Variants in IQSEC1 observed in about 807,000 individuals in gnomAD.
The protein encoded by IQSEC1 is IQ motif and SEC7 domain-containing protein 1.
In IQSEC1, 31 loss-of-function variants were observed where a neutral mutation model predicts 91.0. The ratio of observed to expected loss-of-function variants is 0.34; its 90% CI spans 0.26 to 0.46. IQSEC1 has a LOEUF of 0.46. IQSEC1 is among the 20% of genes least tolerant of loss of function. IQSEC1 has a pLI of 1.00. For synonymous variants in IQSEC1, 699 were observed against 662.6 expected (o/e 1.05, Z -0.84); for missense variants, 1,388 against 1,575.6 (o/e 0.88, Z 2.02).
At chr3:13,149,359 C>A (rs1243331001) in intron 2 of IQSEC1, among the ~76,000 whole-genome samples, 1 of 148,244 alleles carries the variant, frequency 6.7e-6, no homozygotes, top group Admixed American at 6.7e-5. Flanking sequence ...CACAGACAGG[C>A]TGCTCCCCAG....
In IQSEC1 at chr3:13,259,152, C is replaced by A. The variant is rs1291776845; in HGVS notation, c.272+23559G>T. On this transcript the variant is annotated intron_variant, in intron 1 of 15. Transcript: ENST00000648114. The surrounding 1 kb of genome is among the most constrained non-coding windows in gnomAD (Gnocchi z 4.6). ...AGCCAGAAAAAAATCCCAACTGCCC[C>A]CACTGGGCCACACCGCTCCACCTCC... is the stretch of plus-strand genomic sequence containing the variant. Among the ~76,000 whole-genome samples the A allele has an allele frequency of 3.3e-5, 5 of 152,236 alleles. No individual in the cohort carries two copies. The highest frequency in any genetic ancestry group is 1.5e-5 in the Non-Finnish European group (1 of 68,046).
intron 1 of IQSEC1, among the ~76,000 whole-genome samples, chr3:13,222,519 G>T (rs1416992117): frequency 1.3e-5 from 2 of 152,180 alleles, no homozygotes; most frequent in Non-Finnish European, 1.5e-5. Flanking sequence ...GAATTGTATT[G>T]TATGTTTAAC....
At position 12,901,259 on chromosome 3, in the gene IQSEC1, G is replaced by A. The variant is rs534679416; in HGVS notation, c.3069C>T (p.Ala1023=). The change falls in exon 14 of 14, where the codon GCC becomes GCT. Residue 1023 remains alanine, a synonymous_variant. Coordinates refer to ENST00000613206, the MANE Select transcript of IQSEC1 (RefSeq NM_001134382.3). ...AGTACTGGGTGTGATGCCCGTGCAT[G>A]GCGGCCTGCGGCAGCCCCTCTGGGG... ...LGPPEGLPQA[A]MHGHHTQYCH... 725 of 1,533,152 alleles carry A rather than the reference G, an allele frequency of 4.7e-4. 7 individuals carry two copies. The South Asian group carries it at 6.1e-3, about 13-fold the overall frequency. The allele number at this position is 1,533,152 out of a possible 1,614,324, so 95.0% of individuals were successfully genotyped here.
intron 1 of IQSEC1, among the ~76,000 whole-genome samples, chr3:13,052,428 T>A (rs1301642561): frequency 6.6e-6 from 1 of 152,180 alleles, no homozygotes; most frequent in Non-Finnish European, 1.5e-5. Context: ...TGGGACAGTG[T>A]ATTTAACCAT....
At chr3:13,026,751 G>C (rs1016875073) in intron 1 of IQSEC1, among the ~76,000 whole-genome samples, 5 of 152,154 alleles carry the variant, frequency 3.3e-5, no homozygotes, top group Admixed American at 3.3e-4. Flanking sequence ...TGGATGACCT[G>C]TCTCTGCATC....
chr3:12,926,771 G>A (rs928998867), intron 3 of IQSEC1, among the ~76,000 whole-genome samples: 1 of 152,230 alleles, frequency 6.6e-6, no homozygotes, highest in African/African-American at 2.4e-5. Flanking sequence ...GCAGTGCCCT[G>A]CAGACACCGC....
At chr3:12,910,089 C>T (rs942427184) in intron 10 of IQSEC1, among the ~76,000 whole-genome samples, 1 of 152,238 alleles carries the variant, frequency 6.6e-6, no homozygotes, top group African/African-American at 2.4e-5. Flanking sequence ...ATTACTGCCA[C>T]GTGGGAACAT....
At chr3:13,090,579 T>C (rs1413882002) in intron 2 of IQSEC1, among the ~76,000 whole-genome samples, 1 of 152,108 alleles carries the variant, frequency 6.6e-6, no homozygotes, top group African/African-American at 2.4e-5. Context: ...TGTGGGGTGA[T>C]TGGTGACAGG....
chr3:13,178,124 T>C (rs2125012860), intron 1 of IQSEC1, among the ~76,000 whole-genome samples: 1 of 152,340 alleles, frequency 6.6e-6, no homozygotes, highest in South Asian at 2.1e-4. Flanking sequence ...TACCAGAGAA[T>C]GATGAGACTC....
At chr3:13,272,863 A>G (rs1320168895) in intron 1 of IQSEC1, among the ~76,000 whole-genome samples, 1 of 152,232 alleles carries the variant, frequency 6.6e-6, no homozygotes, top group African/African-American at 2.4e-5. Flanking sequence ...AACACATCGT[A>G]CAAAGGGTTG....
chr3:13,148,302 G>T (rs1020938626), intron 2 of IQSEC1, among the ~76,000 whole-genome samples: 1 of 152,096 alleles, frequency 6.6e-6, no homozygotes, highest in Admixed American at 6.6e-5. Context: ...GCCTGGTACG[G>T]GGGCAAGGTA....
chr3:12,927,217 A>C (rs1697223198), intron 3 of IQSEC1, among the ~76,000 whole-genome samples: 1 of 152,234 alleles, frequency 6.6e-6, no homozygotes, highest in Non-Finnish European at 1.5e-5. Flanking sequence ...GTTAACAAAA[A>C]GAATTCTAGT....
chr3:13,026,100 A>C (rs1334105051), intron 1 of IQSEC1, among the ~76,000 whole-genome samples: 1 of 152,250 alleles, frequency 6.6e-6, no homozygotes, highest in Non-Finnish European at 1.5e-5. Flanking sequence ...GCAGGAGGTC[A>C]GGAGGTGGAG....
At chr3:13,045,266 T>C (rs1704451739) in intron 1 of IQSEC1, among the ~76,000 whole-genome samples, 1 of 152,226 alleles carries the variant, frequency 6.6e-6, no homozygotes, top group African/African-American at 2.4e-5. Context: ...ATTTATTTTC[T>C]CCATAGCTCT....
Position 12,940,159 on chromosome 3 carries a change from G to A in IQSEC1, c.318+1412C>T, listed in dbSNP as rs1037512363. ...GGTCCACTTTGGATCTGGGCATCAC[G>A]GATAAAGGAACAGAGGTTGCTCTGC... On this transcript the variant is annotated intron_variant, in intron 2 of 13. Coordinates refer to ENST00000613206, the MANE Select transcript of IQSEC1 (RefSeq NM_001134382.3). The surrounding 1 kb of genome is among the most constrained non-coding windows in gnomAD (Gnocchi z 4.4). 9.2e-5 allele frequency among the ~76,000 whole-genome samples: 14 copies of A among 152,192 alleles called. No homozygotes were observed. Among genetic ancestry groups the A allele is most frequent in the African/African-American group, 3.1e-4 (13 of 41,532 alleles).
chr3:13,244,462 C>T (rs140093843), intron 1 of IQSEC1, among the ~76,000 whole-genome samples: 1 of 152,344 alleles, frequency 6.6e-6, no homozygotes, highest in African/African-American at 2.4e-5. Context: ...ACCTGCCATT[C>T]AAACGTAGGA....
intron 1 of IQSEC1, among the ~76,000 whole-genome samples, chr3:12,996,088 G>A (rs977048737): frequency 2.0e-5 from 3 of 152,202 alleles, no homozygotes; most frequent in African/African-American, 7.2e-5. Context: ...TTAAGCCCAG[G>A]AGTTCAAGGT....
intron 1 of IQSEC1, among the ~76,000 whole-genome samples, chr3:13,035,460 T>G (rs1455461080): frequency 1.3e-5 from 2 of 152,182 alleles, no homozygotes; most frequent in Non-Finnish European, 2.9e-5. Context: ...CTCCCCCAGC[T>G]GAAATGATTG....
At chr3:12,943,359 C>CA (rs1299269658) in intron 1 of IQSEC1, among the ~76,000 whole-genome samples, 2 of 152,254 alleles carry the variant, frequency 1.3e-5, no homozygotes, top group Non-Finnish European at 2.9e-5. Context: ...CAAGCCTTTT[C>CA]ACTGTGTGCA....
Sources: gnomAD v4.1 joint callset for allele counts (sites outside exome capture counted in the v4.1 genomes callset) on GRCh38, gnomAD v4.1.1 for gene constraint, Gnocchi (gnomAD v3.1) non-coding constraint, MANE v1.5 for transcripts, NCBI Gene and HGNC (gene_info 2026-07-23, HGNC 2026-07-21) for gene names.